The following TAF12 variants were observed in gnomAD, a reference collection of about 807,000 sequenced individuals.
TAF12 encodes the protein TATA-box binding protein associated factor 12, also known as transcription initiation factor TFIID subunit 12.
In TAF12, 3 loss-of-function variants were observed where a neutral mutation model predicts 20.8. That is an observed-to-expected ratio of 0.14 (90% CI 0.07 to 0.37). The LOEUF (loss-of-function observed/expected upper bound fraction) is 0.37. TAF12 is among the 10% of genes least tolerant of loss of function. The pLI is 1.00. For synonymous variants in TAF12, 69 were observed against 70.2 expected (o/e 0.98, Z 0.09); for missense variants, 131 against 197.9 (o/e 0.66, Z 2.03).
upstream of TAF12, chr1:28,643,630 G>A (rs930537652): frequency 1.6e-4 from 25 of 152,194 alleles, no homozygotes; most frequent in African/African-American, 5.8e-4. Context: ...ATTTAGAGGA[G>A]ACCTGTGAGA....
Position 28,633,164 on chromosome 1 carries a change from C to CT in TAF12, c.-85+9827dup, listed in dbSNP as rs769194043. ...GGCATGCACCTCCAAGCCCGGCCTA[C>CT]TTTTTTTTTTTTTTTTTTTTGAGAC... On this transcript the variant is annotated intron_variant, in intron 1 of 5. Transcript: ENST00000373824. 9.6e-3 allele frequency among the ~76,000 whole-genome samples: 1,124 copies of CT among 117,530 alleles called. 11 individuals are homozygous for CT. Among genetic ancestry groups the CT allele is most frequent in the African/African-American group, 0.012 (375 of 31,682 alleles). The allele number at this position is 117,530 out of a possible 152,430, so 77.1% of individuals were successfully genotyped here.
chr1:28,629,671 C>G (rs1667552476), intron 1 of TAF12, among the ~76,000 whole-genome samples: 1 of 152,050 alleles, frequency 6.6e-6, no homozygotes, highest in Non-Finnish European at 1.5e-5. Flanking sequence ...AGAGATAGGT[C>G]TTGCTGTTGC....
At chr1:28,639,651 C>A (rs769567174) in intron 1 of TAF12, among the ~76,000 whole-genome samples, 1 of 152,006 alleles carries the variant, frequency 6.6e-6, no homozygotes, top group Non-Finnish European at 1.5e-5. Context: ...GTGACATGGG[C>A]ATCGGTATGC....
At chr1:28,613,777 A>G (rs988062520) in intron 3 of TAF12, among the ~76,000 whole-genome samples, 2 of 152,250 alleles carry the variant, frequency 1.3e-5, no homozygotes, top group African/African-American at 4.8e-5. Context: ...AGGATTTCAC[A>G]GACTCAGAGA....
Position 28,621,938 on chromosome 1 carries a change from A to G in TAF12, c.144T>C (p.Gly48=). ...VKIPGTPGAG[G]RLSPENNQVL... ...CCTGATTGTTTTCAGGGCTAAGACG[A>G]CCTCCTGCCCCAGGAGTGCCTGGTA... is the stretch of plus-strand genomic sequence containing the variant. The change falls in exon 2 of 6, where the codon GGT becomes GGC. Residue 48 remains glycine (G), a synonymous_variant. Coordinates refer to ENST00000373824, the MANE Select transcript of TAF12 (RefSeq NM_005644.4). 1 of 1,612,680 alleles carries G rather than the reference A, an allele frequency of 6.2e-7. No homozygotes were observed. The highest frequency in any genetic ancestry group is 8.5e-7 in the Non-Finnish European group (1 of 1,179,670).
At position 28,618,534 on chromosome 1, in the gene TAF12, ATTTTTTTTTTT is replaced by A. The variant is rs968347496; in HGVS notation, c.169-515_169-505del. Among the ~76,000 whole-genome samples, 4 of 125,696 alleles carry A rather than the reference ATTTTTTTTTTT, an allele frequency of 3.2e-5. No individual in the cohort carries two copies. The Admixed American group carries it at 3.3e-4, about 10-fold the overall frequency. 82.5% of individuals were successfully genotyped at this position (125,696 alleles called of 152,430 possible). On this transcript the variant is annotated intron_variant, in intron 2 of 5. Transcript: ENST00000373824. ...AGGCACGTGCCATCATACCTGGCTAATTTTTTTTTTTTTTTTTTTTTTTGAGAGACAGGATC... is the reference window on the plus strand; with the variant it reads ...AGGCACGTGCCATCATACCTGGCTAATTTTTTTTTTTTGAGAGACAGGATC...
At chr1:28,605,530 C>T in intron 4 of TAF12, 70 bp from the exon 5 acceptor site, 2 of 1,477,524 alleles carry the variant, frequency 1.4e-6, no homozygotes, top group Non-Finnish European at 1.9e-6. Flanking sequence ...ATGTGACCCC[C>T]TTGGATCAGG....
intron 1 of TAF12, among the ~76,000 whole-genome samples, chr1:28,626,581 CAAAAAAAAAA>C (rs549427311): frequency 1.7e-5 from 1 of 60,292 alleles, no homozygotes; most frequent in African/African-American, 6.1e-5. Flanking sequence ...AACTCTGTCT[CAAAAAAAAAA>C]AAAAAAAAGC....
intron 3 of TAF12, among the ~76,000 whole-genome samples, chr1:28,614,071 C>G (rs1401497795): frequency 3.3e-5 from 5 of 151,804 alleles, no homozygotes; most frequent in Admixed American, 6.6e-5. Flanking sequence ...AACCCTGTCT[C>G]TACTAAAAAT....
chr1:28,636,387 T>C (rs1339488136), intron 1 of TAF12, among the ~76,000 whole-genome samples: 2 of 151,962 alleles, frequency 1.3e-5, no homozygotes, highest in Admixed American at 6.6e-5. Context: ...ATATGAACCA[T>C]GGTAGCAGTA....
intron 4 of TAF12, among the ~76,000 whole-genome samples, chr1:28,610,237 G>A (rs1570297680): frequency 1.3e-5 from 2 of 152,040 alleles, no homozygotes; most frequent in South Asian, 4.1e-4. Flanking sequence ...CAAAGTGCTC[G>A]GATTACAGGC....
At chr1:28,618,218 G>C (rs1667102734) in intron 2 of TAF12, among the ~76,000 whole-genome samples, 188 bp from the exon 3 acceptor site, 1 of 152,174 alleles carries the variant, frequency 6.6e-6, no homozygotes, top group African/African-American at 2.4e-5. Flanking sequence ...CTTAGGGAAA[G>C]GTGGAAAGAG....
At chr1:28,615,950 T>TG (rs1667028902) in intron 3 of TAF12, among the ~76,000 whole-genome samples, 1 of 152,292 alleles carries the variant, frequency 6.6e-6, no homozygotes, top group African/African-American at 2.4e-5. Flanking sequence ...GATGTCATGT[T>TG]GGTAGAAATA....
intron 1 of TAF12, among the ~76,000 whole-genome samples, chr1:28,633,519 G>A (rs918496818): frequency 2.0e-5 from 3 of 150,260 alleles, no homozygotes; most frequent in Admixed American, 1.3e-4. Context: ...GCTCATGCCT[G>A]TAATCCCAGC....
intron 1 of TAF12, among the ~76,000 whole-genome samples, chr1:28,627,594 G>C (rs1168462555): frequency 2.1e-5 from 3 of 143,104 alleles, no homozygotes; most frequent in African/African-American, 5.3e-5. Context: ...TCGGGAGGCT[G>C]AGACAGGAGA....
chr1:28,646,075 G>C (rs376494834), upstream of TAF12: 1 of 151,526 alleles, frequency 6.6e-6, no homozygotes, highest in Non-Finnish European at 1.5e-5. Flanking sequence ...GAGTTTGACC[G>C]GCCTGGGCAA....
chr1:28,633,110 C>T (rs976282571), intron 1 of TAF12, among the ~76,000 whole-genome samples: 1 of 151,704 alleles, frequency 6.6e-6, no homozygotes, highest in Non-Finnish European at 1.5e-5. Context: ...ATCCACCTGC[C>T]TCGGCCTCCC....
At chr1:28,624,216 AATGATGATT>A (rs1667309507) in intron 1 of TAF12, among the ~76,000 whole-genome samples, 1 of 152,182 alleles carries the variant, frequency 6.6e-6, no homozygotes, top group Non-Finnish European at 1.5e-5. Flanking sequence ...AAAATTAATT[AATGATGATT>A]ATGGCACATA....
intron 2 of TAF12, among the ~76,000 whole-genome samples, chr1:28,619,967 G>T (rs577461833): frequency 6.6e-6 from 1 of 151,262 alleles, no homozygotes; most frequent in Non-Finnish European, 1.5e-5. Flanking sequence ...AAAAGAGAGA[G>T]AGACAGACAG....
Sources: allele counts gnomAD v4.1 joint callset (sites outside exome capture counted in the v4.1 genomes callset), GRCh38; gene constraint gnomAD v4.1.1; transcripts MANE v1.5; gene names NCBI Gene and HGNC (gene_info 2026-07-23, HGNC 2026-07-21).